ERBB4: variants seen among roughly 807,000 people sequenced by gnomAD.
ERBB4 encodes the protein receptor tyrosine-protein kinase erbB-4.
A neutral mutation model predicts 158.0 loss-of-function variants in ERBB4; 42 were observed. That is an observed-to-expected ratio of 0.27 (90% confidence interval 0.21 to 0.34). The LOEUF (loss-of-function observed/expected upper bound fraction) is 0.34, where lower values mean the gene tolerates loss of function less well. ERBB4 is among the 10% of genes least tolerant of loss of function. The probability of loss-of-function intolerance (pLI) is 1.00; values close to 1 mark genes in which losing one functional copy is unlikely to be tolerated. For synonymous variants in ERBB4, 583 were observed against 558.7 expected (o/e 1.04, Z -0.61); for missense variants, 1,333 against 1,624.1 (o/e 0.82, Z 3.08).
At chr2:212,422,413 G>C (rs1380736825) in intron 1 of ERBB4, among the ~76,000 whole-genome samples, 2 of 152,014 alleles carry the variant, frequency 1.3e-5, no homozygotes, top group Non-Finnish European at 1.5e-5. Context: ...CAGGAGAACT[G>C]CTTGAACCCG....
At chr2:211,909,638 CT>C (rs1200595062) in intron 3 of ERBB4, among the ~76,000 whole-genome samples, 1 of 151,760 alleles carries the variant, frequency 6.6e-6, no homozygotes, top group Non-Finnish European at 1.5e-5. Flanking sequence ...GTATAAGGCA[CT>C]TACCACGAAT....
chr2:212,321,522 G>T (rs1044821780), intron 1 of ERBB4, among the ~76,000 whole-genome samples: 1 of 150,340 alleles, frequency 6.7e-6, no homozygotes, highest in Non-Finnish European at 1.5e-5. Flanking sequence ...GACTTCATCT[G>T]TATTAAAAAT....
At chr2:212,258,174 A>T (rs999096477) in intron 1 of ERBB4, among the ~76,000 whole-genome samples, 13 of 152,124 alleles carry the variant, frequency 8.5e-5, no homozygotes, top group African/African-American at 3.1e-4. Flanking sequence ...TTTTAAAAAA[A>T]TTTCAAGGTT....
rs1013212494 is a variant in ERBB4 at position 212,296,902 on chromosome 2, C to T, written c.83-171999G>A. On this transcript the variant is annotated intron_variant, in intron 1 of 27. Transcript: ENST00000342788. ...AAAACTACAGCTCTCTCCAGATAGA[C>T]TCTCCTTCATGATTTCAACTCTCCT... Among the ~76,000 whole-genome samples, 6 of 152,006 alleles carry T rather than the reference C, an allele frequency of 3.9e-5. No individual in the cohort carries two copies. The South Asian group carries it at 6.2e-4, about 16-fold the overall frequency.
chr2:211,778,538 T>C (rs1050619324), intron 4 of ERBB4: 10 of 152,204 alleles, frequency 6.6e-5, no homozygotes, highest in Admixed American at 2.0e-4. Flanking sequence ...ACACCCGATA[T>C]GGCATTCCCC....
At chr2:212,114,973 T>G (rs891546988) in intron 2 of ERBB4, among the ~76,000 whole-genome samples, 3 of 152,196 alleles carry the variant, frequency 2.0e-5, no homozygotes, top group South Asian at 2.1e-4. Context: ...CTGGGCATCA[T>G]GATAGACACT....
intron 3 of ERBB4, among the ~76,000 whole-genome samples, chr2:211,814,138 CAATTTGTCTAA>C: frequency 6.6e-6 from 1 of 152,044 alleles, no homozygotes; most frequent in East Asian, 1.9e-4. Context: ...AATATAAATG[CAATTTGTCTAA>C]AATACACCTT....
intron 25 of ERBB4, among the ~76,000 whole-genome samples, chr2:211,415,143 G>T (rs2063358482): frequency 8.6e-6 from 1 of 116,172 alleles, no homozygotes. Context: ...TTGAGACGGA[G>T]TCTCGCTCTG....
At chr2:211,673,093 G>T in intron 14 of ERBB4, 71 bp downstream of exon 14, 1 of 1,173,258 alleles carries the variant, frequency 8.5e-7, no homozygotes, top group Non-Finnish European at 1.3e-6. Context: ...ATGAATAAAT[G>T]ATAAAATAAT....
chr2:211,540,191 T>TAC (rs2066761419), intron 20 of ERBB4, among the ~76,000 whole-genome samples: 1 of 79,352 alleles, frequency 1.3e-5, no homozygotes, highest in Admixed American at 1.8e-4. Flanking sequence ...ACATGATTTA[T>TAC]ATATATATAT....
At chr2:212,124,139 C>T (rs115498865) in intron 2 of ERBB4, among the ~76,000 whole-genome samples, 1,852 of 151,944 alleles carry the variant, frequency 0.012, 27 homozygotes, top group African/African-American at 0.041. Flanking sequence ...TCAATGAAAG[C>T]AAAAAATAAT....
At chr2:212,442,758 G>T (rs918793223) in intron 1 of ERBB4, among the ~76,000 whole-genome samples, 3 of 152,138 alleles carry the variant, frequency 2.0e-5, no homozygotes, top group African/African-American at 7.2e-5. Context: ...CCATTATGGT[G>T]GGAAAGGCCA....
intron 1 of ERBB4, among the ~76,000 whole-genome samples, chr2:212,278,678 CTG>C (rs1440977033): frequency 6.6e-6 from 1 of 151,488 alleles, no homozygotes; most frequent in East Asian, 1.9e-4. Context: ...ATCTTAAAAT[CTG>C]TATTAAAAGT....
At position 211,430,949 on chromosome 2, in the gene ERBB4, C is replaced by T. The variant is rs1362156940; in HGVS notation, c.2639G>A (p.Gly880Glu). The T allele has an allele frequency of 5.0e-6, 8 of 1,613,004 alleles. No individual in the cohort carries two copies. The highest frequency in any genetic ancestry group is 6.8e-6 in the Non-Finnish European group (8 of 1,179,022). Residue 880 changes from glycine to glutamate, a missense_variant, in exon 21 of 28, where the codon GGA becomes GAA. By Grantham distance (98) the Gly-to-Glu change is moderately conservative. This residue lies in a region of ERBB4 where 314 missense variants were observed against 437.6 expected (regional missense o/e 0.72). Coordinates refer to ENST00000342788, the MANE Select transcript of ERBB4 (RefSeq NM_005235.3). ...TGCTCTCAAAAAGATACCCACCTTT[C>T]CTCCATCAGCATTGTACTCTTTTTC... ...GDEKEYNADG[G>E]KMPIKWMALE...
At chr2:211,837,660 T>A (rs1053944453) in intron 3 of ERBB4, among the ~76,000 whole-genome samples, 1 of 152,060 alleles carries the variant, frequency 6.6e-6, no homozygotes, top group Non-Finnish European at 1.5e-5. Flanking sequence ...TCTCTGTAAC[T>A]CAGTAGTCTC....
intron 20 of ERBB4, among the ~76,000 whole-genome samples, chr2:211,482,795 C>T (rs139459558): frequency 0.012 from 1,857 of 152,134 alleles, 39 homozygotes; most frequent in African/African-American, 0.042. Context: ...ATCCCAGCTA[C>T]GCGGGAGGCT....
intron 4 of ERBB4, among the ~76,000 whole-genome samples, chr2:211,782,503 G>A (rs1275364653): frequency 6.6e-6 from 1 of 151,944 alleles, no homozygotes; most frequent in Non-Finnish European, 1.5e-5. Flanking sequence ...AGTGACTGAG[G>A]GCATAGATGA....
chr2:211,714,310 C>T (rs1403280584), intron 7 of ERBB4, among the ~76,000 whole-genome samples: 2 of 152,128 alleles, frequency 1.3e-5, no homozygotes, highest in South Asian at 4.1e-4. Flanking sequence ...CACCTAAAGG[C>T]TCTCACAATA....
In ERBB4 at chr2:212,276,585, C is replaced by T. The variant is rs113095938; in HGVS notation, c.83-151682G>A. On this transcript the variant is annotated intron_variant, in intron 1 of 27. Coordinates refer to ENST00000342788, the MANE Select transcript of ERBB4 (RefSeq NM_005235.3). ...AAATGTGCACAGAGATTATGGTCAA[C>T]AGTATACATGAGAAGACTTCATTCT... Among the ~76,000 whole-genome samples the T allele has an allele frequency of 5.1e-3, 778 of 151,892 alleles. 4 individuals are homozygous for T. The highest frequency in any genetic ancestry group is 0.017 in the Middle Eastern group (5 of 294).
Sources: allele counts gnomAD v4.1 joint callset (sites outside exome capture counted in the v4.1 genomes callset), GRCh38; gene constraint gnomAD v4.1.1; regional missense constraint gnomAD v4.1.1; transcripts MANE v1.5; gene names NCBI Gene and HGNC (gene_info 2026-07-23, HGNC 2026-07-21).